The following KREMEN1 variants were observed in gnomAD, a reference collection of about 807,000 sequenced individuals.
The protein encoded by KREMEN1 is kringle containing transmembrane protein 1.
KREMEN1 carries 30 observed loss-of-function variants against 46.5 expected under a neutral mutation model. The observed-to-expected ratio is 0.65, with a 90% CI of 0.48 to 0.88. The LOEUF is 0.88. Among genes scored for constraint, KREMEN1 ranks in the 40% least tolerant of loss-of-function variants. KREMEN1 has a pLI of 0.00. For synonymous variants in KREMEN1, 214 were observed against 230.6 expected, an observed-to-expected ratio of 0.93 and a Z score of 0.65; for missense variants, 533 against 596.9, an observed-to-expected ratio of 0.89 and a Z score of 1.11.
chr22:29,155,164 A>T (rs1482444005), intron 9 of KREMEN1, among the ~76,000 whole-genome samples: 17 of 152,034 alleles, frequency 1.1e-4, no homozygotes, highest in Non-Finnish European at 4.4e-5. Flanking sequence ...ATGTATGTGT[A>T]TACAAAGGCA....
intron 8 of KREMEN1, among the ~76,000 whole-genome samples, chr22:29,141,170 C>A (rs577397379): frequency 1.3e-5 from 2 of 152,208 alleles, no homozygotes; most frequent in Admixed American, 6.5e-5. Context: ...CATTGGAACC[C>A]CTTTACATAG....
At chr22:29,160,376 C>CA (rs132301) in intron 9 of KREMEN1, among the ~76,000 whole-genome samples, 126,399 of 141,022 alleles carry the variant, frequency 0.9, 56,621 homozygotes, top group East Asian at 0.99. Context: ...ACTAAAAATA[C>CA]AAAAAAAAAA....
intron 9 of KREMEN1, among the ~76,000 whole-genome samples, chr22:29,156,234 G>A (rs1476958180): frequency 1.3e-5 from 2 of 152,330 alleles, no homozygotes; most frequent in East Asian, 3.9e-4. Flanking sequence ...CCCAGTGCAG[G>A]GAGTCTCCCA....
chr22:29,164,160 A>T lies in KREMEN1; in HGVS notation c.1417-2884A>T, dbSNP rs573099932. On this transcript the variant is annotated intron_variant, in intron 9 of 9. Coordinates refer to the KREMEN1 transcript ENST00000327813. ...AGAACAGTCCAGATGTAAGAGATTTACAAAAGCAGGATATCAATTAACTAG... is the reference window on the plus strand; with the variant it reads ...AGAACAGTCCAGATGTAAGAGATTTTCAAAAGCAGGATATCAATTAACTAG... 2.0e-5 allele frequency among the ~76,000 whole-genome samples: 3 copies of T among 152,386 alleles called. No individual in the cohort carries two copies. The East Asian group carries it at 5.8e-4, about 29-fold the overall frequency.
exon 10 of KREMEN1, chr22:29,167,650 A>G (rs2039065236): frequency 6.5e-6 from 1 of 153,312 alleles, no homozygotes; most frequent in African/African-American, 2.4e-5. Context: ...AGCAGTCACC[A>G]TGGTCTAATC....
In KREMEN1 at chr22:29,137,550, C is replaced by T. The variant is rs957114400; in HGVS notation, c.840C>T (p.Val280=). ...TTCTGGATGGCTACACCCACCGTGT[C>T]CTAGCCCGCTTCCACGGGAGGAGCC... The part of the protein sequence containing the change: ...VELLDGYTHR[V]LARFHGRSRP... Residue 280 remains valine, a synonymous_variant, in exon 6 of 9, where the codon GTC becomes GTT. Coordinates refer to ENST00000400335, the MANE Select transcript of KREMEN1 (RefSeq NM_001039570.3). 1.2e-6 allele frequency: 2 copies of T among 1,613,882 alleles called. No individual in the cohort carries two copies. Among genetic ancestry groups the T allele is most frequent in the Non-Finnish European group, 8.5e-7 (1 of 1,179,748 alleles).
chr22:29,137,668 T>C lies in KREMEN1; in HGVS notation c.958T>C (p.Tyr320His). The C allele has an allele frequency of 6.3e-7, 1 of 1,589,228 alleles. No homozygotes were observed. The highest frequency in any genetic ancestry group is 8.6e-7 in the Non-Finnish European group (1 of 1,159,670). The change falls in exon 6 of 9, where the codon TAC becomes CAC. Residue 320 changes from tyrosine to histidine, a missense_variant. Physicochemically the swap from Tyr to His is moderately conservative, Grantham distance 83. Transcript: ENST00000400335. ...INQAQGFAVLYQAVKEELPQE... is the reference protein window; with the variant it reads ...INQAQGFAVLHQAVKEELPQE... ...TCAGGCCCAGGGATTTGCTGTTTTA[T>C]ACCAAGGTAAGACATCTTTGCCTCC... is the stretch of plus-strand genomic sequence containing the variant.
chr22:29,146,384 G>C lies in KREMEN1; in HGVS notation c.*4272G>C, dbSNP rs1006035072. On this transcript the variant is annotated 3_prime_UTR_variant, in exon 9 of 9. Coordinates refer to ENST00000400335, the MANE Select transcript of KREMEN1 (RefSeq NM_001039570.3). ...GACCCCTGGTGGGCACATCTCACAG[G>C]CTTCCGTCTTGCTGAGTTGGGTACG... 1 of 985,876 alleles carries C rather than the reference G, an allele frequency of 1.0e-6. No homozygotes were observed. Among genetic ancestry groups the C allele is most frequent in the African/African-American group, 1.7e-5 (1 of 57,350 alleles). The allele number at this position is 985,876 out of a possible 1,614,324, so 61.1% of individuals were successfully genotyped here. A position where few individuals can be genotyped will look rare whatever the true frequency, so the allele number is the denominator to read the frequency against.
In KREMEN1 at chr22:29,138,682, G is replaced by C. The variant is rs2038709533; in HGVS notation, c.1023G>C (p.Val341=). The C allele has an allele frequency of 6.2e-7, 1 of 1,614,084 alleles. No homozygotes were observed. The highest frequency in any genetic ancestry group is 1.3e-5 in the African/African-American group (1 of 74,918). ...CTGTCAACCAGACGGTGGCCGAGGT[G>C]ATCACGGAGCAGGCCAACCTCAGTG... ...RPAVNQTVAE[V]ITEQANLSVS... The change falls in exon 7 of 9, where the codon GTG becomes GTC. Residue 341 remains valine (V), a synonymous_variant. Coordinates refer to ENST00000400335, the MANE Select transcript of KREMEN1 (RefSeq NM_001039570.3).
intron 3 of KREMEN1, among the ~76,000 whole-genome samples, chr22:29,111,143 C>A (rs897231542): frequency 6.6e-6 from 1 of 151,402 alleles, no homozygotes; most frequent in African/African-American, 2.4e-5. Context: ...CCCATCTCTA[C>A]AAGATACACA....
chr22:29,167,055 C>A lies in KREMEN1; in HGVS notation c.1428C>A (p.Asp476Glu), dbSNP rs2039058635. The change falls in exon 10 of 10, where the codon GAC (aspartate) becomes GAA (glutamate). Residue 476 changes from aspartate to glutamate, a missense_variant. By Grantham distance (45) the Asp-to-Glu change is conservative. Transcript: ENST00000327813. ...TCCTACCTTCCCAGGCAATTCAGGA[C>A]TCGGAAGTGACATCACTCATCTGGT... 1.9e-6 allele frequency: 3 copies of A among 1,551,508 alleles called. No individual in the cohort carries two copies. The South Asian group carries it at 3.6e-5, about 18-fold the overall frequency.
At chr22:29,167,104 T>A in exon 10 of KREMEN1, 1 of 1,551,476 alleles carries the variant, frequency 6.4e-7, no homozygotes, top group Non-Finnish European at 8.7e-7. Context: ...CAGAAGTATC[T>A]GACTGTAGAC....
chr22:29,124,588 G>T (rs111842100), intron 4 of KREMEN1, among the ~76,000 whole-genome samples: 1 of 151,956 alleles, frequency 6.6e-6, no homozygotes, highest in African/African-American at 2.4e-5. Flanking sequence ...CACCTCCAGG[G>T]TTCAAGCAAA....
rs1399637574 is a variant in KREMEN1 at position 29,094,267 on chromosome 22, C to T, written c.107C>T (p.Thr36Ile). The T allele has an allele frequency of 8.7e-6, 14 of 1,604,828 alleles. No individual in the cohort carries two copies. The highest frequency in any genetic ancestry group is 1.2e-5 in the Non-Finnish European group (14 of 1,177,194). The change falls in exon 2 of 9, where the codon ACA (threonine) becomes ATA (isoleucine). Residue 36 changes from threonine to isoleucine, a missense_variant. Thr to Ile is a moderately conservative substitution (Grantham distance 89). Transcript: ENST00000400335. Reference protein sequence around the residue: ...PGLGPGPECFTANGADYRGTQ... With the variant: ...PGLGPGPECFIANGADYRGTQ... The stretch of plus-strand genomic sequence containing the variant: ...CTTTTTTTTCTTCTAGAGTGTTTCA[C>T]AGCCAATGGTGCGGATTATAGGGGA...
chr22:29,101,711 G>C (rs1444351904), intron 3 of KREMEN1, among the ~76,000 whole-genome samples: 2 of 152,192 alleles, frequency 1.3e-5, no homozygotes, highest in Non-Finnish European at 2.9e-5. Context: ...ACAGTATTCA[G>C]TACAGTAACA....
chr22:29,111,815 CAT>C (rs917284955), intron 3 of KREMEN1: 1 of 152,016 alleles, frequency 6.6e-6, no homozygotes, highest in African/African-American at 2.4e-5. Context: ...GAATAGAAAA[CAT>C]AATAATAGTC....
chr22:29,157,648 C>G (rs1054818022), intron 9 of KREMEN1, among the ~76,000 whole-genome samples: 1 of 152,162 alleles, frequency 6.6e-6, no homozygotes, highest in Non-Finnish European at 1.5e-5. Context: ...CCCACCATGA[C>G]TTTGCCTCTG....
At position 29,137,635 on chromosome 22, in the gene KREMEN1, C is replaced by A. The variant is rs762595574; in HGVS notation, c.925C>A (p.Arg309Ser). Residue 309 changes from arginine to serine, a missense_variant, in exon 6 of 9, where the codon CGC becomes AGC. Arg to Ser is a moderately radical substitution (Grantham distance 110, BLOSUM62 -1). Coordinates refer to ENST00000400335, the MANE Select transcript of KREMEN1 (RefSeq NM_001039570.3). Reference protein sequence around the residue: ...DFVILYFFSDRINQAQGFAVL... With the variant: ...DFVILYFFSDSINQAQGFAVL... ...CGTCATCTTGTATTTCTTCTCTGATCGCATCAATCAGGCCCAGGGATTTGC... is the reference window on the plus strand; with the variant it reads ...CGTCATCTTGTATTTCTTCTCTGATAGCATCAATCAGGCCCAGGGATTTGC... The A allele has an allele frequency of 6.2e-7, 1 of 1,608,492 alleles. No individual in the cohort carries two copies. Among genetic ancestry groups the A allele is most frequent in the East Asian group, 2.2e-5 (1 of 44,678 alleles).
chr22:29,080,306 A>G (rs2037633878), intron 1 of KREMEN1, among the ~76,000 whole-genome samples: 1 of 152,258 alleles, frequency 6.6e-6, no homozygotes, highest in Non-Finnish European at 1.5e-5. Flanking sequence ...GAGGGCTGTA[A>G]CTGCTGCCAT....
Sources: gnomAD v4.1 joint callset for allele counts (sites outside exome capture counted in the v4.1 genomes callset) on GRCh38, gnomAD v4.1.1 for gene constraint, MANE v1.5 for transcripts, NCBI Gene and HGNC (gene_info 2026-07-23, HGNC 2026-07-21) for gene names.